Variants in SGCZ observed in about 807,000 individuals in gnomAD.
SGCZ encodes the protein zeta-sarcoglycan.
In SGCZ, 40 loss-of-function variants were observed where a neutral mutation model predicts 41.3. That is an observed-to-expected ratio of 0.97 (90% CI 0.75 to 1.26). The LOEUF (loss-of-function observed/expected upper bound fraction) is 1.26. SGCZ is among the 50% of genes most tolerant of loss of function. The pLI is 0.00. For synonymous variants in SGCZ, 206 were observed against 137.5 expected, an observed-to-expected ratio of 1.50 and a Z score of -3.49; for missense variants, 552 against 369.8, an observed-to-expected ratio of 1.49 and a Z score of -4.04.
intron 1 of SGCZ, among the ~76,000 whole-genome samples, chr8:15,153,295 T>C (rs1352647139): frequency 6.6e-6 from 1 of 152,176 alleles, no homozygotes; most frequent in Non-Finnish European, 1.5e-5. Context: ...AACAAATGTC[T>C]AATGCATGAT....
intron 1 of SGCZ, among the ~76,000 whole-genome samples, chr8:14,925,084 C>T (rs1051571558): frequency 7.2e-5 from 11 of 152,078 alleles, no homozygotes; most frequent in African/African-American, 2.7e-4. Context: ...TCTCGAACTC[C>T]TGAGCTTAAG....
intron 4 of SGCZ, among the ~76,000 whole-genome samples, chr8:14,221,792 C>T (rs900736146): frequency 6.6e-6 from 1 of 151,968 alleles, no homozygotes; most frequent in Admixed American, 6.6e-5. Context: ...AAAAAATTAG[C>T]TGGGTGTGAT....
At chr8:14,968,704 C>A (rs1801197154) in intron 1 of SGCZ, among the ~76,000 whole-genome samples, 1 of 152,056 alleles carries the variant, frequency 6.6e-6, no homozygotes, top group Non-Finnish European at 1.5e-5. Flanking sequence ...GAGAAAATGA[C>A]TTCTAAGCTG....
chr8:14,617,326 G>T (rs1452756641), intron 1 of SGCZ, among the ~76,000 whole-genome samples: 1 of 151,896 alleles, frequency 6.6e-6, no homozygotes, highest in East Asian at 1.9e-4. Flanking sequence ...GCAACATTAG[G>T]GTCCCTGGGA....
intron 1 of SGCZ, among the ~76,000 whole-genome samples, chr8:15,020,058 T>C (rs1308908511): frequency 1.3e-5 from 2 of 152,048 alleles, no homozygotes; most frequent in Admixed American, 6.6e-5. Flanking sequence ...AAATGGATTA[T>C]AGCATCCTCC....
At chr8:14,109,056 A>G (rs1802294941) in intron 5 of SGCZ, among the ~76,000 whole-genome samples, 1 of 152,164 alleles carries the variant, frequency 6.6e-6, no homozygotes, top group African/African-American at 2.4e-5. Flanking sequence ...GTTCTCACAC[A>G]TAGAGCTCCC....
intron 3 of SGCZ, among the ~76,000 whole-genome samples, chr8:14,289,462 T>C (rs1440011022): frequency 6.6e-6 from 1 of 152,088 alleles, no homozygotes; most frequent in African/African-American, 2.4e-5. Flanking sequence ...GTGCAGGCAA[T>C]GGTCAAAACT....
At chr8:14,844,321 T>C (rs771696399) in intron 1 of SGCZ, among the ~76,000 whole-genome samples, 1 of 152,186 alleles carries the variant, frequency 6.6e-6, no homozygotes, top group Non-Finnish European at 1.5e-5. Context: ...GATTCTTTTC[T>C]TTCCCTAATT....
chr8:15,069,697 G>A (rs1042409187), intron 1 of SGCZ, among the ~76,000 whole-genome samples: 3 of 152,214 alleles, frequency 2.0e-5, no homozygotes, highest in African/African-American at 7.2e-5. Context: ...TCCATTTATT[G>A]TGATCATCTT....
At chr8:14,620,132 C>T (rs1364889380) in intron 1 of SGCZ, among the ~76,000 whole-genome samples, 1 of 151,998 alleles carries the variant, frequency 6.6e-6, no homozygotes, top group Non-Finnish European at 1.5e-5. Context: ...CCAAATAATA[C>T]CACACATCTA....
At chr8:14,438,289 A>G (rs555701247) in intron 2 of SGCZ, among the ~76,000 whole-genome samples, 25 of 152,152 alleles carry the variant, frequency 1.6e-4, no homozygotes, top group Middle Eastern at 6.8e-3. Flanking sequence ...ATAATTTTAG[A>G]AGAAAAAGGT....
At chr8:14,124,792 A>G (rs1416310195) in intron 5 of SGCZ, among the ~76,000 whole-genome samples, 1 of 152,156 alleles carries the variant, frequency 6.6e-6, no homozygotes, top group Non-Finnish European at 1.5e-5. Flanking sequence ...TAACCTAGCT[A>G]CAAAATAAAT....
intron 1 of SGCZ, among the ~76,000 whole-genome samples, chr8:14,596,279 A>G (rs1805410939): frequency 6.6e-6 from 1 of 152,232 alleles, no homozygotes. Flanking sequence ...AAGGTTGTGC[A>G]CTAACTGAAT....
At chr8:14,762,372 G>A (rs1799914282) in intron 1 of SGCZ, among the ~76,000 whole-genome samples, 1 of 125,038 alleles carries the variant, frequency 8.0e-6, no homozygotes, top group Non-Finnish European at 1.8e-5. Flanking sequence ...TACTAGTAGT[G>A]TACTTTGGCA....
chr8:15,206,698 C>T (rs758390816), intron 1 of SGCZ, among the ~76,000 whole-genome samples: 21 of 152,090 alleles, frequency 1.4e-4, no homozygotes, highest in Non-Finnish European at 2.1e-4. Flanking sequence ...CCACCCTCCT[C>T]GGCCTCCCAA....
At chr8:14,774,311 T>A (rs143215296) in intron 1 of SGCZ, among the ~76,000 whole-genome samples, 2 of 152,204 alleles carry the variant, frequency 1.3e-5, no homozygotes, top group Admixed American at 6.5e-5. Context: ...GTCTCTATAA[T>A]TGCATCAGCC....
intron 1 of SGCZ, among the ~76,000 whole-genome samples, chr8:14,883,776 GTTTTTTT>G (rs1233614779): frequency 3.5e-5 from 3 of 86,034 alleles, no homozygotes; most frequent in Non-Finnish European, 6.9e-5. Flanking sequence ...GCATCCTGTT[GTTTTTTT>G]TTTTTTTTTT....
In SGCZ at chr8:14,123,242, T is replaced by C. The variant is rs192261755; in HGVS notation, c.548-15007A>G. The stretch of plus-strand genomic sequence containing the variant: ...ATTCTGAAAGTTTGTTTTGATTCAC[T>C]TGTCTTAAAGACCGAAAATAACAAA... On this transcript the variant is annotated intron_variant, in intron 5 of 7. Coordinates refer to ENST00000382080, the MANE Select transcript of SGCZ (RefSeq NM_139167.4). Among the ~76,000 whole-genome samples the C allele has an allele frequency of 1.1e-4, 17 of 152,344 alleles. No individual in the cohort carries two copies. The East Asian group carries it at 2.9e-3, about 26-fold the overall frequency.
Position 14,432,914 on chromosome 8 carries a change from C to CAAAAAA in SGCZ, c.235-108716_235-108711dup, listed in dbSNP as rs767979164. On this transcript the variant is annotated intron_variant, in intron 2 of 7. Coordinates refer to ENST00000382080, the MANE Select transcript of SGCZ (RefSeq NM_139167.4). Reference sequence around the variant, plus strand: ...GGGCAAAAGAGTGAGACTGTGTCTCCAAAAAAAAAAAAAAAAAAAAAAAAA... The same window carrying CAAAAAA: ...GGGCAAAAGAGTGAGACTGTGTCTCCAAAAAAAAAAAAAAAAAAAAAAAAAAAAAAA... Among the ~76,000 whole-genome samples the CAAAAAA allele has an allele frequency of 1.2e-3, 92 of 75,604 alleles. 12 individuals carry two copies. The highest frequency in any genetic ancestry group is 5.4e-3 in the African/African-American group (86 of 16,024). 49.6% of individuals were successfully genotyped at this position (75,604 alleles called of 152,430 possible). A position where few individuals can be genotyped will look rare whatever the true frequency, so the allele number is the denominator to read the frequency against.
Sources: gnomAD v4.1 joint callset for allele counts (sites outside exome capture counted in the v4.1 genomes callset) on GRCh38, gnomAD v4.1.1 for gene constraint, MANE v1.5 for transcripts, NCBI Gene and HGNC (gene_info 2026-07-23, HGNC 2026-07-21) for gene names.